The following PRDM16 variants were observed in gnomAD, a reference collection of about 807,000 sequenced individuals.
PRDM16 encodes PR/SET domain 16.
Under a neutral mutation model 110.6 loss-of-function variants are expected in PRDM16, and 23 were observed. The observed-to-expected ratio is 0.21, with a 90% CI of 0.15 to 0.29. The LOEUF (loss-of-function observed/expected upper bound fraction) is 0.29. Ranked by LOEUF, PRDM16 falls within the 10% of genes least tolerant of loss-of-function variation. The pLI is 1.00. For synonymous variants in PRDM16, 799 were observed against 781.8 expected (o/e 1.02, Z -0.37); for missense variants, 1,615 against 1,794.3 (o/e 0.90, Z 1.81).
Position 3,209,715 on chromosome 1 carries a change from C to G in PRDM16, c.387+23241C>G, listed in dbSNP as rs1040763862. 6.6e-6 allele frequency among the ~76,000 whole-genome samples: 1 copy of G among 152,170 alleles called. No homozygotes were observed. Among genetic ancestry groups the G allele is most frequent in the African/African-American group, 2.4e-5 (1 of 41,440 alleles). Reference sequence around the variant, plus strand: ...CGGCCACCAGGAACCACAGCCCTCCCGCCCCCCACAGAGCCCCTTCCCTGA... The same window carrying G: ...CGGCCACCAGGAACCACAGCCCTCCGGCCCCCCACAGAGCCCCTTCCCTGA... On this transcript the variant is annotated intron_variant, in intron 2 of 16. Coordinates refer to ENST00000270722, the MANE Select transcript of PRDM16 (RefSeq NM_022114.4). This position sits in a 1 kb window ranked among gnomAD's most constrained non-coding sequence, Gnocchi z 4.6.
At chr1:3,112,143 T>A (rs923821422) in intron 1 of PRDM16, among the ~76,000 whole-genome samples, 1 of 151,844 alleles carries the variant, frequency 6.6e-6, no homozygotes, top group Admixed American at 6.6e-5. Context: ...TTTTTGGGGG[T>A]GAATTCAGAA....
intron 2 of PRDM16, among the ~76,000 whole-genome samples, chr1:3,221,340 C>T (rs547654978): frequency 2.0e-5 from 3 of 152,190 alleles, no homozygotes; most frequent in Non-Finnish European, 2.9e-5. Flanking sequence ...TCTGAGCCTC[C>T]GGTTCAGCGT....
chr1:3,185,568 G>A lies in PRDM16; in HGVS notation c.38-557G>A, dbSNP rs2937392. On this transcript the variant is annotated intron_variant, in intron 1 of 16. Coordinates refer to ENST00000270722, the MANE Select transcript of PRDM16 (RefSeq NM_022114.4). Reference sequence around the variant, plus strand: ...CAGGGATGTCCAGGCTGCAGCCCAAGTGCAGGGAAGCAGCACTGAGCACAT... The same window carrying A: ...CAGGGATGTCCAGGCTGCAGCCCAAATGCAGGGAAGCAGCACTGAGCACAT... Among the ~76,000 whole-genome samples, 390 of 152,326 alleles carry A rather than the reference G, an allele frequency of 2.6e-3. 5 individuals carry two copies. Among genetic ancestry groups the A allele is most frequent in the African/African-American group, 8.7e-3 (362 of 41,576 alleles).
intron 1 of PRDM16, among the ~76,000 whole-genome samples, chr1:3,136,324 C>A (rs1055741959): frequency 1.3e-5 from 2 of 152,222 alleles, no homozygotes; most frequent in African/African-American, 4.8e-5. Flanking sequence ...AGTCCTCAGA[C>A]CCGCTGTCCG....
chr1:3,399,406 T>A (rs1643432561), intron 5 of PRDM16, among the ~76,000 whole-genome samples: 1 of 152,122 alleles, frequency 6.6e-6, no homozygotes, highest in Admixed American at 6.5e-5. Flanking sequence ...TATGCCCCCG[T>A]TTCTGGCCCC....
intron 2 of PRDM16, among the ~76,000 whole-genome samples, chr1:3,224,343 G>T (rs867785620): frequency 1.3e-5 from 2 of 152,182 alleles, no homozygotes; most frequent in Non-Finnish European, 2.9e-5. Context: ...CCTGGGTGCC[G>T]TGTTATGGGT....
At chr1:3,074,204 C>A (rs1440592635) in intron 1 of PRDM16, among the ~76,000 whole-genome samples, 1 of 152,196 alleles carries the variant, frequency 6.6e-6, no homozygotes, top group Non-Finnish European at 1.5e-5. Flanking sequence ...TTCACTGACC[C>A]TGGGAAGACA....
intron 3 of PRDM16, among the ~76,000 whole-genome samples, chr1:3,256,484 CGGGGAGACAG>C (rs1640048468): frequency 6.6e-6 from 1 of 152,004 alleles, no homozygotes; most frequent in Non-Finnish European, 1.5e-5. Context: ...GGGGGAATTG[CGGGGAGACAG>C]GGAGAGAATG....
chr1:3,387,996 A>C (rs2100611702), intron 4 of PRDM16, among the ~76,000 whole-genome samples: 1 of 152,358 alleles, frequency 6.6e-6, no homozygotes, highest in East Asian at 1.9e-4. Context: ...AAGCATTTCC[A>C]TTCCCTGGCC....
intron 4 of PRDM16, among the ~76,000 whole-genome samples, chr1:3,385,944 T>C (rs1481107520): frequency 6.6e-6 from 1 of 152,168 alleles, no homozygotes; most frequent in Non-Finnish European, 1.5e-5. Flanking sequence ...AGAACAGGCA[T>C]CCAGACCCAC....
intron 2 of PRDM16, among the ~76,000 whole-genome samples, chr1:3,234,509 G>A (rs565834529): frequency 5.3e-5 from 8 of 152,290 alleles, no homozygotes; most frequent in African/African-American, 1.7e-4. Flanking sequence ...CCGCCTGCCC[G>A]AGACGCCTGG....
chr1:3,353,703 G>A lies in PRDM16; in HGVS notation c.439-31449G>A, dbSNP rs1642538981. Among the ~76,000 whole-genome samples the A allele has an allele frequency of 6.6e-6, 1 of 152,224 alleles. No homozygotes were observed. Among genetic ancestry groups the A allele is most frequent in the African/African-American group, 2.4e-5 (1 of 41,464 alleles). On this transcript the variant is annotated intron_variant, in intron 3 of 16. Transcript: ENST00000270722. The surrounding 1 kb of genome is among the most constrained non-coding windows in gnomAD (Gnocchi z 5.4). ...AACAGGACAATCCTAGCTCAGGCTG[G>A]TGGAGGTTTGGGGATGCCGAAGCAG...
intron 2 of PRDM16, among the ~76,000 whole-genome samples, chr1:3,221,560 A>T (rs535698100): frequency 6.6e-6 from 1 of 152,350 alleles, no homozygotes; most frequent in South Asian, 2.1e-4. Flanking sequence ...GTCACAGAGA[A>T]GTCTGGCTTC....
rs1004240763 is a variant in PRDM16, at chr1:3,412,732, G to T, written c.2535G>T (p.Ala845=). The T allele has an allele frequency of 3.3e-6, 5 of 1,507,488 alleles. No individual in the cohort carries two copies. Among genetic ancestry groups the T allele is most frequent in the Non-Finnish European group, 4.4e-6 (5 of 1,128,020 alleles). The allele number at this position is 1,507,488 out of a possible 1,614,324, so 93.4% of individuals were successfully genotyped here. A position where few individuals can be genotyped will look rare whatever the true frequency, so the allele number is the denominator to read the frequency against. ...AGGGGCTGCCCCAGGTGTGCCCGGC[G>T]CGGATGCCCCAGCAGCCCCCGCTCC... ...AGEGLPQVCP[A]RMPQQPPLHY... is the part of the protein sequence containing the mutation. Residue 845 remains alanine (A), a synonymous_variant, in exon 9 of 17, where the codon GCG becomes GCT. Coordinates refer to ENST00000270722, the MANE Select transcript of PRDM16 (RefSeq NM_022114.4).
At chr1:3,163,634 GGGCGGTCCTTT>G (rs532392662) in intron 1 of PRDM16, among the ~76,000 whole-genome samples, 274 of 152,320 alleles carry the variant, frequency 1.8e-3, no homozygotes, top group African/African-American at 6.3e-3. Flanking sequence ...GCTGTGGGCG[GGGCGGTCCTTT>G]GGAGGCTCTG....
intron 8 of PRDM16, among the ~76,000 whole-genome samples, chr1:3,409,393 C>G (rs1643630211): frequency 2.6e-5 from 4 of 152,034 alleles, no homozygotes; most frequent in Admixed American, 2.6e-4. Context: ...TTTGATGAAA[C>G]GAGACAAAGT....
At chr1:3,354,556 G>A (rs970225389) in intron 3 of PRDM16, among the ~76,000 whole-genome samples, 1 of 152,132 alleles carries the variant, frequency 6.6e-6, no homozygotes, top group Non-Finnish European at 1.5e-5. Flanking sequence ...TTTGACCACA[G>A]GCACTGGCCA....
Position 3,244,165 on chromosome 1 carries a change from A to G in PRDM16, c.438+28A>G, listed in dbSNP as rs762636635. 7 of 1,611,424 alleles carry G rather than the reference A, an allele frequency of 4.3e-6. No individual in the cohort carries two copies. Among genetic ancestry groups the G allele is most frequent in the Non-Finnish European group, 5.9e-6 (7 of 1,178,162 alleles). On this transcript the variant is annotated intron_variant, in intron 3 of 16. Coordinates refer to ENST00000270722, the MANE Select transcript of PRDM16 (RefSeq NM_022114.4). This position sits in a 1 kb window ranked among gnomAD's most constrained non-coding sequence, Gnocchi z 4.1. ...AGGAGAGCTCGCCCTGCGCCGTCTC[A>G]GCTCCCCAGCGTCCTCGGAGCTCCT...
chr1:3,076,193 G>A (rs954547274), intron 1 of PRDM16, among the ~76,000 whole-genome samples: 2 of 152,352 alleles, frequency 1.3e-5, no homozygotes, highest in Non-Finnish European at 2.9e-5. Context: ...GGTGTGTGAA[G>A]GGGTGTGTCC....
Sources: gnomAD v4.1 joint callset for allele counts (sites outside exome capture counted in the v4.1 genomes callset) on GRCh38, gnomAD v4.1.1 for gene constraint, Gnocchi (gnomAD v3.1) non-coding constraint, MANE v1.5 for transcripts, NCBI Gene and HGNC (gene_info 2026-07-23, HGNC 2026-07-21) for gene names.